Variants in ZNF423 observed in about 807,000 individuals in gnomAD.
ZNF423 encodes the protein Ebf-associated zinc finger protein.
A neutral mutation model predicts 95.8 loss-of-function variants in ZNF423; 12 were observed. The observed-to-expected ratio is 0.13, with a 90% CI of 0.08 to 0.20. The LOEUF is 0.20. Among genes scored for constraint, ZNF423 ranks in the 10% least tolerant of loss-of-function variants. ZNF423 has a pLI of 1.00. For missense variants in ZNF423, 1,316 were observed against 1,737.1 expected, an observed-to-expected ratio of 0.76 and a Z score of 4.31; for synonymous variants, 749 against 711.9, an observed-to-expected ratio of 1.05 and a Z score of -0.83.
upstream of ZNF423, chr16:49,857,743 C>T (rs558145140): frequency 2.0e-5 from 3 of 152,436 alleles, no homozygotes; most frequent in South Asian, 2.1e-4. The surrounding 1 kb of genome is among the most constrained non-coding windows in gnomAD (Gnocchi z 6.2). Flanking sequence ...CACCTTACCC[C>T]TGAGACCTTG....
chr16:49,805,782 G>A lies in ZNF423; in HGVS notation c.41-16236C>T, dbSNP rs78187348. On this transcript the variant is annotated intron_variant, in intron 1 of 7. Transcript: ENST00000563137. ...TTTATTTCCACATCTATAAAATGGG[G>A]ATTTAAAAAATTCCATTTATTTTAA... is the stretch of plus-strand genomic sequence containing the variant. Among the ~76,000 whole-genome samples, 1,153 of 152,304 alleles carry A rather than the reference G, an allele frequency of 7.6e-3. 11 individuals carry two copies. Among genetic ancestry groups the A allele is most frequent in the African/African-American group, 0.026 (1,095 of 41,564 alleles).
intron 2 of ZNF423, among the ~76,000 whole-genome samples, chr16:49,736,623 C>T (rs2143448376): frequency 6.6e-6 from 1 of 152,264 alleles, no homozygotes; most frequent in South Asian, 2.1e-4. Context: ...AGTGAGACCC[C>T]ATCTTTACAA....
At chr16:49,556,841 A>G (rs1969843778) in intron 5 of ZNF423, among the ~76,000 whole-genome samples, 1 of 152,244 alleles carries the variant, frequency 6.6e-6, no homozygotes, top group Non-Finnish European at 1.5e-5. Context: ...TCAGTCATTT[A>G]CTTGAGAACA....
intron 3 of ZNF423, among the ~76,000 whole-genome samples, chr16:49,646,568 C>CTTTTTTTTTTTTTTTTTT (rs1194511671): frequency 5.0e-5 from 6 of 120,714 alleles, no homozygotes; most frequent in Non-Finnish European, 9.1e-5. Context: ...ATTTTCTTTT[C>CTTTTTTTTTTTTTTTTTT]TTTTTCTTTT....
rs915021058 is a variant in ZNF423, at chr16:49,492,634, C to T, written c.3850-1330G>A. Among the ~76,000 whole-genome samples, 1 of 152,202 alleles carries T rather than the reference C, an allele frequency of 6.6e-6. No individual in the cohort carries two copies. The highest frequency in any genetic ancestry group is 1.5e-5 in the Non-Finnish European group (1 of 68,020). On this transcript the variant is annotated intron_variant, in intron 7 of 7. Coordinates refer to ENST00000563137, the MANE Select transcript of ZNF423 (RefSeq NM_001379286.1). The surrounding 1 kb of genome is among the most constrained non-coding windows in gnomAD (Gnocchi z 4.2). ...AGCTCCCGGCCGGGAAGAGGCAGCC[C>T]GCGCCTGCCTCCCAGCAGATGCCCA... is the stretch of plus-strand genomic sequence containing the variant.
intron 3 of ZNF423, among the ~76,000 whole-genome samples, chr16:49,654,513 CT>C (rs1310061496): frequency 2.0e-5 from 3 of 152,246 alleles, no homozygotes; most frequent in Non-Finnish European, 2.9e-5. Flanking sequence ...GCCAAGGCCA[CT>C]GGGTGCCAGA....
chr16:49,513,527 T>C (rs1967984510), intron 7 of ZNF423, among the ~76,000 whole-genome samples: 1 of 152,220 alleles, frequency 6.6e-6, no homozygotes, highest in Non-Finnish European at 1.5e-5. Flanking sequence ...ATTTTAAAAA[T>C]GGGCTCCCGG....
upstream of ZNF423, chr16:49,856,113 CAAAAAAAAAAAAAA>C (rs1179159400): frequency 3.7e-4 from 1 of 2,678 alleles, no homozygotes; most frequent in Non-Finnish European, 6.2e-4. Context: ...CCGAGTTATG[CAAAAAAAAAAAAAA>C]AAAAAAAAAA....
rs145999684 is a variant in ZNF423 at position 49,491,178 on chromosome 16, T to C, written c.*97A>G. 117 of 1,453,510 alleles carry C rather than the reference T, an allele frequency of 8.0e-5. No homozygotes were observed. The African/African-American group carries it at 1.3e-3, about 16-fold the overall frequency. 90.0% of individuals were successfully genotyped at this position (1,453,510 alleles called of 1,614,324 possible). A position where few individuals can be genotyped will look rare whatever the true frequency, so the allele number is the denominator to read the frequency against. On this transcript the variant is annotated 3_prime_UTR_variant, in exon 8 of 8. Transcript: ENST00000563137. Reference sequence around the variant, plus strand: ...AATCATTAGAGTTTTACATCTGGGTTGCAAATGACACTTTGATTGGATGTA... The same window carrying C: ...AATCATTAGAGTTTTACATCTGGGTCGCAAATGACACTTTGATTGGATGTA...
intron 1 of ZNF423, among the ~76,000 whole-genome samples, chr16:49,811,259 G>A (rs1255683979): frequency 1.3e-5 from 2 of 152,152 alleles, no homozygotes; most frequent in Non-Finnish European, 2.9e-5. Flanking sequence ...TGAGGCTCCC[G>A]GCATGGGAGG....
chr16:49,635,577 C>G lies in ZNF423; in HGVS notation c.3516+83G>C. ...ATAGCGCCGCTTCTTGGAAACACGG[C>G]ACTCAGGGTACGTGGCTCCTGTGGG... is the stretch of plus-strand genomic sequence containing the variant. On this transcript the variant is annotated intron_variant, in intron 4 of 7. Coordinates refer to ENST00000563137, the MANE Select transcript of ZNF423 (RefSeq NM_001379286.1). This position sits in a 1 kb window ranked among gnomAD's most constrained non-coding sequence, Gnocchi z 4.8. The G allele has an allele frequency of 1.4e-6, 2 of 1,474,696 alleles. No individual in the cohort carries two copies. Among genetic ancestry groups the G allele is most frequent in the Non-Finnish European group, 1.8e-6 (2 of 1,110,634 alleles). 91.4% of individuals were successfully genotyped at this position (1,474,696 alleles called of 1,614,324 possible).
chr16:49,834,280 C>G (rs745836748), intron 1 of ZNF423, among the ~76,000 whole-genome samples: 3 of 152,054 alleles, frequency 2.0e-5, no homozygotes, highest in Admixed American at 2.0e-4. Flanking sequence ...CAGATTGAGA[C>G]AGCATGAACA....
At chr16:49,750,932 G>T (rs1374826594) in intron 2 of ZNF423, among the ~76,000 whole-genome samples, 1 of 152,120 alleles carries the variant, frequency 6.6e-6, no homozygotes, top group Admixed American at 6.5e-5. Context: ...ATGGAGCATC[G>T]TGCACTCCAA....
At chr16:49,756,063 A>C (rs1469406535) in intron 2 of ZNF423, among the ~76,000 whole-genome samples, 1 of 152,210 alleles carries the variant, frequency 6.6e-6, no homozygotes, top group South Asian at 2.1e-4. Context: ...AGGTAGAAGA[A>C]ATAGGGAGCC....
At chr16:49,523,870 G>T in intron 6 of ZNF423, 131 bp from the exon 7 acceptor site, 2 of 705,124 alleles carry the variant, frequency 2.8e-6, no homozygotes, top group Non-Finnish European at 2.5e-6. Flanking sequence ...GTGGGCTACT[G>T]GGAGTGTTCT....
At chr16:49,499,226 G>C (rs1047121834) in intron 7 of ZNF423, among the ~76,000 whole-genome samples, 3 of 152,256 alleles carry the variant, frequency 2.0e-5, no homozygotes, top group Admixed American at 6.5e-5. Context: ...TATGGCAGAG[G>C]GAGCAGCAGC....
intron 5 of ZNF423, among the ~76,000 whole-genome samples, chr16:49,535,449 G>A (rs1361703826): frequency 2.6e-5 from 4 of 152,164 alleles, no homozygotes; most frequent in East Asian, 1.9e-4. Flanking sequence ...CAATCATGAC[G>A]GGTGGTCTTT....
At chr16:49,605,813 C>T (rs1290891480) in intron 5 of ZNF423, among the ~76,000 whole-genome samples, 1 of 152,144 alleles carries the variant, frequency 6.6e-6, no homozygotes, top group Non-Finnish European at 1.5e-5. Context: ...TTGCAGCTTG[C>T]TGAGCAGCAG....
Position 49,489,831 on chromosome 16 carries a change from G to C in ZNF423, c.*1444C>G, listed in dbSNP as rs1041436721. The C allele has an allele frequency of 4.6e-5, 7 of 152,548 alleles. No homozygotes were observed. The highest frequency in any genetic ancestry group is 1.7e-4 in the African/African-American group (7 of 41,468). 9.4% of individuals were successfully genotyped at this position (152,548 alleles called of 1,614,324 possible). On this transcript the variant is annotated 3_prime_UTR_variant, in exon 8 of 8. Transcript: ENST00000563137. ...TGGCAAGTCAGCTGAGCACCAGCATGATGGAGGTGTGGGAGGTAACATGGA... is the reference window on the plus strand; with the variant it reads ...TGGCAAGTCAGCTGAGCACCAGCATCATGGAGGTGTGGGAGGTAACATGGA...
Sources: gnomAD v4.1 joint callset for allele counts (sites outside exome capture counted in the v4.1 genomes callset) on GRCh38, gnomAD v4.1.1 for gene constraint, Gnocchi (gnomAD v3.1) non-coding constraint, MANE v1.5 for transcripts, NCBI Gene and HGNC (gene_info 2026-07-23, HGNC 2026-07-21) for gene names.